The following NAF1 variants were observed in gnomAD, a reference collection of about 807,000 sequenced individuals.
The protein encoded by NAF1 is H/ACA ribonucleoprotein complex non-core subunit NAF1.
A neutral mutation model predicts 40.6 loss-of-function variants in NAF1; 11 were observed. That is an observed-to-expected ratio of 0.27 (90% CI 0.17 to 0.45). The LOEUF (loss-of-function observed/expected upper bound fraction) is 0.45. Among genes scored for constraint, NAF1 ranks in the 20% least tolerant of loss-of-function variants. NAF1 has a pLI of 1.00. For synonymous variants in NAF1, 260 were observed against 228.5 expected, an observed-to-expected ratio of 1.14 and a Z score of -1.24; for missense variants, 607 against 611.1, an observed-to-expected ratio of 0.99 and a Z score of 0.07.
rs563385813 is a variant in NAF1, at chr4:163,166,419, C to T, written c.309G>A (p.Glu103=). 1.2e-6 allele frequency: 2 copies of T among 1,607,970 alleles called. No individual in the cohort carries two copies. The highest frequency in any genetic ancestry group is 1.7e-5 in the Admixed American group (1 of 59,568). Residue 103 remains glutamate (E), a synonymous_variant, in exon 1 of 8, where the codon GAG becomes GAA. Transcript: ENST00000274054. ...CCAAGGAGTCCGGCGCCCGCGCAGG[C>T]TCTGCGGCTCCTGGGGAGGTGACGC... ...GDCVTSPGAA[E]PARAPDSLET... is the part of the protein sequence containing the mutation.
intron 2 of NAF1, among the ~76,000 whole-genome samples, chr4:163,116,980 G>A (rs1328742505): frequency 1.3e-5 from 2 of 151,988 alleles, no homozygotes; most frequent in African/African-American, 4.8e-5. Context: ...GGCCCCAAAG[G>A]TCTCCTGTCA....
At chr4:163,152,306 C>T (rs981831066) in intron 2 of NAF1, among the ~76,000 whole-genome samples, 2 of 152,148 alleles carry the variant, frequency 1.3e-5, no homozygotes, top group African/African-American at 4.8e-5. Flanking sequence ...ATCATTATAA[C>T]GTAATTTCCT....
At position 163,115,199 on chromosome 4, in the gene NAF1, A is replaced by ATTTTTTTTTTTTTT. The variant is rs201172406; in HGVS notation, c.115-4910_115-4909insAAAAAAAAAAAAAA. ...ATACTATTGGCGATATAGGACAATA[A>ATTTTTTTTTTTTTT]TTTTTTTATTTATTTTTTTTTTTTT... On this transcript the variant is annotated intron_variant, in intron 2 of 2. Transcript: ENST00000509434. Among the ~76,000 whole-genome samples, 5 of 103,726 alleles carry ATTTTTTTTTTTTTT rather than the reference A, an allele frequency of 4.8e-5. 1 individual carries two copies. The highest frequency in any genetic ancestry group is 7.4e-5 in the Non-Finnish European group (4 of 54,216). 68.0% of individuals were successfully genotyped at this position (103,726 alleles called of 152,430 possible). A position where few individuals can be genotyped will look rare whatever the true frequency, so the allele number is the denominator to read the frequency against.
At chr4:163,127,162 C>T, downstream of NAF1, 1 of 1,533,856 alleles carries the variant, frequency 6.5e-7, no homozygotes, top group Non-Finnish European at 8.8e-7. Flanking sequence ...TGGAGTCTTG[C>T]TCTGCCACCC....
At chr4:163,119,121 C>G (rs1472890557) in intron 2 of NAF1, among the ~76,000 whole-genome samples, 1 of 152,164 alleles carries the variant, frequency 6.6e-6, no homozygotes, top group Non-Finnish European at 1.5e-5. Context: ...TTCCAGAAAC[C>G]TCTCTGAATG....
chr4:163,137,259 G>A lies in NAF1; in HGVS notation c.879-9C>T, dbSNP rs887645978. The A allele has an allele frequency of 6.2e-7, 1 of 1,601,592 alleles. No individual in the cohort carries two copies. The highest frequency in any genetic ancestry group is 1.1e-5 in the South Asian group (1 of 89,552). ...CATCTGATCCCTTATCCCTGAGTGG[G>A]GTGGGGATGGGAGTCAAAAAAGTAT... is the stretch of plus-strand genomic sequence containing the variant. On this transcript the variant is annotated splice_polypyrimidine_tract_variant and intron_variant, in intron 5 of 7. Coordinates refer to ENST00000274054, the MANE Select transcript of NAF1 (RefSeq NM_138386.3).
At chr4:163,152,505 T>C (rs1362597129) in intron 2 of NAF1, among the ~76,000 whole-genome samples, 1 of 152,230 alleles carries the variant, frequency 6.6e-6, no homozygotes, top group Non-Finnish European at 1.5e-5. Flanking sequence ...CCTGTTGCTG[T>C]TCCATGTTTC....
intron 2 of NAF1, among the ~76,000 whole-genome samples, chr4:163,118,287 G>C (rs1177188163): frequency 1.3e-5 from 2 of 152,164 alleles, no homozygotes; most frequent in Non-Finnish European, 2.9e-5. Flanking sequence ...CTCTGTACTA[G>C]AGTAGGGACA....
At position 163,166,432 on chromosome 4, in the gene NAF1, G is replaced by T; in HGVS notation, c.296C>A (p.Pro99Gln). 1 of 1,607,874 alleles carries T rather than the reference G, an allele frequency of 6.2e-7. No individual in the cohort carries two copies. Residue 99 changes from proline (P) to glutamine (Q), a missense_variant, in exon 1 of 8, where the codon CCA (proline) becomes CAA (glutamine). Transcript: ENST00000274054. Reference sequence around the variant, plus strand: ...CGCCCGCGCAGGCTCTGCGGCTCCTGGGGAGGTGACGCAGTCTCCGCAGGC... The same window carrying T: ...CGCCCGCGCAGGCTCTGCGGCTCCTTGGGAGGTGACGCAGTCTCCGCAGGC... ...SPACGDCVTS[P>Q]GAAEPARAPD...
At chr4:163,105,412 C>T (rs897738424), downstream of NAF1, among the ~76,000 whole-genome samples, 6 of 152,154 alleles carry the variant, frequency 3.9e-5, no homozygotes, top group African/African-American at 1.4e-4. Flanking sequence ...GTAAATAGTT[C>T]CTAAAGTAAA....
At chr4:163,156,778 C>A (rs1311818324) in intron 2 of NAF1, among the ~76,000 whole-genome samples, 1 of 152,074 alleles carries the variant, frequency 6.6e-6, no homozygotes, top group Non-Finnish European at 1.5e-5. Context: ...CCTGAATACT[C>A]TACTTGGAAA....
chr4:163,107,323 A>AAAGGGGATCATTGGGCCC (rs1157928201), downstream of NAF1, among the ~76,000 whole-genome samples: 1 of 152,164 alleles, frequency 6.6e-6, no homozygotes. Flanking sequence ...TTTTGCTAGT[A>AAAGGGGATCATTGGGCCC]AAGGGGATCA....
At chr4:163,134,842 G>C (rs1448847187) in intron 6 of NAF1, among the ~76,000 whole-genome samples, 19 of 152,102 alleles carry the variant, frequency 1.2e-4, no homozygotes. Context: ...AATTGGAGAA[G>C]CTTACAAAGA....
chr4:163,164,636 C>T (rs72697012), intron 1 of NAF1, among the ~76,000 whole-genome samples: 13,413 of 152,192 alleles, frequency 0.088, 755 homozygotes, highest in Non-Finnish European at 0.13. Flanking sequence ...TTACCAATAA[C>T]ATTTTCAAAC....
chr4:163,115,888 T>C (rs1287500732), intron 2 of NAF1, among the ~76,000 whole-genome samples: 1 of 152,188 alleles, frequency 6.6e-6, no homozygotes, highest in African/African-American at 2.4e-5. Flanking sequence ...CCCTATCAGT[T>C]TTATTTGTAG....
intron 7 of NAF1, among the ~76,000 whole-genome samples, chr4:163,131,568 A>C (rs1183657724): frequency 6.6e-6 from 1 of 152,236 alleles, no homozygotes; most frequent in Non-Finnish European, 1.5e-5. Flanking sequence ...CTAACCTCAC[A>C]TTCTATACAA....
At chr4:163,142,947 T>C (rs4017) in intron 4 of NAF1, among the ~76,000 whole-genome samples, 7,913 of 152,234 alleles carry the variant, frequency 0.052, 260 homozygotes, top group African/African-American at 0.073. Context: ...TAGGGGATTC[T>C]GGAACTTCCA....
chr4:163,151,073 A>G (rs1731681478), intron 2 of NAF1, among the ~76,000 whole-genome samples: 3 of 151,870 alleles, frequency 2.0e-5, no homozygotes, highest in Non-Finnish European at 4.4e-5. Flanking sequence ...ATAACTTTAC[A>G]TATTTTTTAA....
chr4:163,133,197 C>G lies in NAF1; in HGVS notation c.990G>C (p.Gln330His). The G allele has an allele frequency of 6.2e-7, 1 of 1,613,802 alleles. No individual in the cohort carries two copies. Among genetic ancestry groups the G allele is most frequent in the Non-Finnish European group, 8.5e-7 (1 of 1,179,868 alleles). Residue 330 changes from glutamine to histidine, a missense_variant, in exon 7 of 8, where the codon CAG (glutamine) becomes CAC (histidine). Around this residue, in one of 3 missense-constraint regions of NAF1, gnomAD observed 189 missense variants for 216.6 expected, o/e 0.87. Transcript: ENST00000274054. ...EKEAKQRKKS[Q>H]IQGRKKLKSE... ...ATTTGAGTTTTTTCCGGCCTTGAAT[C>G]TGAGATTTTTTCCTCTGTTTGGCTT...
Sources: allele counts gnomAD v4.1 joint callset (sites outside exome capture counted in the v4.1 genomes callset), GRCh38; gene constraint gnomAD v4.1.1; regional missense constraint gnomAD v4.1.1; transcripts MANE v1.5; gene names NCBI Gene and HGNC (gene_info 2026-07-23, HGNC 2026-07-21).